The following PRKCB variants were observed in gnomAD, a reference collection of about 807,000 sequenced individuals.
PRKCB encodes protein kinase C beta type.
PRKCB carries 13 observed loss-of-function variants against 81.5 expected under a neutral mutation model. The observed-to-expected ratio is 0.16, with a 90% CI of 0.10 to 0.25. The LOEUF (loss-of-function observed/expected upper bound fraction) is 0.25. Among genes scored for constraint, PRKCB ranks in the 10% least tolerant of loss-of-function variants. The probability of loss-of-function intolerance (pLI) is 1.00; values close to 1 mark genes in which losing one functional copy is unlikely to be tolerated. For synonymous variants in PRKCB, 335 were observed against 321.4 expected (o/e 1.04, Z -0.45); for missense variants, 509 against 875.7 (o/e 0.58, Z 5.29).
intron 5 of PRKCB, among the ~76,000 whole-genome samples, chr16:24,036,994 A>G (rs1443663200): frequency 6.6e-6 from 1 of 151,982 alleles, no homozygotes; most frequent in Non-Finnish European, 1.5e-5. Context: ...TGAAATCTCT[A>G]TTATTCTTGT....
chr16:24,032,150 A>G lies in PRKCB; in HGVS notation c.303A>G (p.Lys101=), dbSNP rs756894368. Residue 101 remains lysine (K), a synonymous_variant, in exon 4 of 17, where the codon AAA becomes AAG. Coordinates refer to ENST00000643927, the MANE Select transcript of PRKCB (RefSeq NM_002738.7). ...CTTGGCTCCAGGACCCCCGCAGCAAACACAAGTTTAAGATCCACACGTACT... is the reference window on the plus strand; with the variant it reads ...CTTGGCTCCAGGACCCCCGCAGCAAGCACAAGTTTAAGATCCACACGTACT... The part of the protein sequence containing the change: ...KGPASDDPRS[K]HKFKIHTYSS... The G allele has an allele frequency of 6.2e-7, 1 of 1,613,128 alleles. No individual in the cohort carries two copies. The highest frequency in any genetic ancestry group is 8.5e-7 in the Non-Finnish European group (1 of 1,179,482).
At chr16:23,950,813 C>T (rs1964270375) in intron 2 of PRKCB, among the ~76,000 whole-genome samples, 1 of 152,190 alleles carries the variant, frequency 6.6e-6, no homozygotes, top group Non-Finnish European at 1.5e-5. Flanking sequence ...CTGTTTCCTC[C>T]TTATTTTCCA....
intron 5 of PRKCB, among the ~76,000 whole-genome samples, chr16:24,041,181 C>G (rs1241344548): frequency 6.6e-6 from 1 of 151,998 alleles, no homozygotes; most frequent in African/African-American, 2.4e-5. Flanking sequence ...TCCCGAGTAG[C>G]TGCGACTACA....
intron 2 of PRKCB, among the ~76,000 whole-genome samples, chr16:23,843,994 T>G (rs190482612): frequency 6.6e-6 from 1 of 152,170 alleles, no homozygotes; most frequent in Non-Finnish European, 1.5e-5. Flanking sequence ...CACACATATA[T>G]GTAAGTAGAT....
intron 16 of PRKCB, among the ~76,000 whole-genome samples, chr16:24,214,032 T>C (rs906613538): frequency 6.6e-6 from 1 of 152,230 alleles, no homozygotes; most frequent in Non-Finnish European, 1.5e-5. Context: ...CAGTGACTGA[T>C]CCAGCTAACC....
At chr16:24,169,170 G>C (rs1242228525) in intron 10 of PRKCB, among the ~76,000 whole-genome samples, 2 of 152,136 alleles carry the variant, frequency 1.3e-5, no homozygotes, top group African/African-American at 4.8e-5. Context: ...CGTGGAGTCA[G>C]AGCTTTGATT....
At chr16:23,958,746 C>T (rs1295291080) in intron 2 of PRKCB, among the ~76,000 whole-genome samples, 5 of 150,552 alleles carry the variant, frequency 3.3e-5, no homozygotes, top group Admixed American at 2.7e-4. Flanking sequence ...CCCCCACTCC[C>T]TTCCACCCCC....
intron 2 of PRKCB, among the ~76,000 whole-genome samples, chr16:23,954,256 G>A (rs918110584): frequency 2.6e-5 from 4 of 152,056 alleles, no homozygotes; most frequent in African/African-American, 9.7e-5. Flanking sequence ...ACCAGGGAAG[G>A]CATCGATCTT....
chr16:24,138,999 G>T (rs1333800177), intron 9 of PRKCB, among the ~76,000 whole-genome samples: 2 of 151,812 alleles, frequency 1.3e-5, no homozygotes, highest in African/African-American at 4.8e-5. Flanking sequence ...TTACAGGCAT[G>T]CACCACTATG....
chr16:24,014,561 T>G (rs1449626332), intron 3 of PRKCB, among the ~76,000 whole-genome samples: 1 of 152,218 alleles, frequency 6.6e-6, no homozygotes, highest in Non-Finnish European at 1.5e-5. Context: ...GATGTCATTT[T>G]TATTCTAAGC....
chr16:23,935,024 A>G (rs1964038856), intron 2 of PRKCB, among the ~76,000 whole-genome samples: 1 of 152,192 alleles, frequency 6.6e-6, no homozygotes, highest in Non-Finnish European at 1.5e-5. Flanking sequence ...TTGGGGCAGC[A>G]GGCACATCTG....
chr16:24,057,743 T>C (rs12448514), intron 5 of PRKCB, among the ~76,000 whole-genome samples: 48,426 of 151,808 alleles, frequency 0.32, 9,345 homozygotes, highest in African/African-American at 0.54. Flanking sequence ...TAGTTCTGGA[T>C]GGGGCAGAGA....
intron 6 of PRKCB, 102 bp from the exon 7 acceptor site, chr16:24,094,061 T>C: frequency 7.7e-7 from 1 of 1,300,084 alleles, no homozygotes; most frequent in South Asian, 1.5e-5. Context: ...CAGCTTGTAA[T>C]CTTTAAAACT....
At chr16:23,836,380 GC>G in intron 1 of PRKCB, 32 bp downstream of exon 1, 2 of 1,589,824 alleles carry the variant, frequency 1.3e-6, no homozygotes, top group African/African-American at 1.4e-5. Flanking sequence ...ACCTTCCCGG[GC>G]CCCCGAGGGC....
chr16:23,972,028 A>AC (rs1223858660), intron 2 of PRKCB, among the ~76,000 whole-genome samples: 1 of 152,180 alleles, frequency 6.6e-6, no homozygotes, highest in Admixed American at 6.5e-5. Flanking sequence ...TGTTAAAAAA[A>AC]CCCCAGAATA....
At chr16:23,951,491 C>G (rs1315161992) in intron 2 of PRKCB, among the ~76,000 whole-genome samples, 2 of 151,800 alleles carry the variant, frequency 1.3e-5, no homozygotes, top group South Asian at 4.2e-4. Flanking sequence ...GTGTCCAGAT[C>G]ACAGCTCACT....
intron 10 of PRKCB, among the ~76,000 whole-genome samples, chr16:24,171,474 T>C (rs1164402642): frequency 1.3e-5 from 2 of 152,134 alleles, no homozygotes; most frequent in Non-Finnish European, 2.9e-5. Context: ...ATCCAATGGG[T>C]TACACAGGTC....
At chr16:23,855,602 T>C (rs1489497286) in intron 2 of PRKCB, among the ~76,000 whole-genome samples, 1 of 152,270 alleles carries the variant, frequency 6.6e-6, no homozygotes, top group African/African-American at 2.4e-5. Context: ...GCATCATTGA[T>C]AAATTGTCTT....
chr16:23,998,595 G>C (rs1244591277), intron 3 of PRKCB, among the ~76,000 whole-genome samples: 1 of 152,158 alleles, frequency 6.6e-6, no homozygotes, highest in South Asian at 2.1e-4. Flanking sequence ...AGATTCCTCA[G>C]CTAAAAAATG....
Sources: gnomAD v4.1 joint callset for allele counts (sites outside exome capture counted in the v4.1 genomes callset) on GRCh38, gnomAD v4.1.1 for gene constraint, MANE v1.5 for transcripts, NCBI Gene and HGNC (gene_info 2026-07-23, HGNC 2026-07-21) for gene names.